Variants in PCDHGA3 observed in about 807,000 individuals in gnomAD.
The protein encoded by PCDHGA3 is protocadherin gamma subfamily A, 3.
In PCDHGA3, 40 loss-of-function variants were observed where a neutral mutation model predicts 58.5. That is an observed-to-expected ratio of 0.68 (90% confidence interval 0.53 to 0.89). PCDHGA3 has a LOEUF of 0.89. PCDHGA3 is among the 40% of genes least tolerant of loss of function. The pLI is 0.00. For synonymous variants in PCDHGA3, 530 were observed against 525.7 expected (o/e 1.01, Z -0.11); for missense variants, 1,223 against 1,195.9 (o/e 1.02, Z -0.33).
intron 1 of PCDHGA3, chr5:141,388,386 C>G: frequency 6.2e-7 from 1 of 1,613,944 alleles, no homozygotes; most frequent in Non-Finnish European, 8.5e-7. Flanking sequence ...CAACACACTG[C>G]AGAATTACCA....
At position 141,357,349 on chromosome 5, in the gene PCDHGA3, A is replaced by G. The variant is rs1400036867; in HGVS notation, c.2424+10892A>G. ...CACGGTGCTGCTAGCACTCAAGCTGAGACGCTGGCACAAGTCACGCCTGCT... is the reference window on the plus strand; with the variant it reads ...CACGGTGCTGCTAGCACTCAAGCTGGGACGCTGGCACAAGTCACGCCTGCT... On this transcript the variant is annotated intron_variant, in intron 1 of 3. Coordinates refer to ENST00000253812, the MANE Select transcript of PCDHGA3 (RefSeq NM_018916.4). 2.5e-6 allele frequency: 4 copies of G among 1,614,000 alleles called. No homozygotes were observed. In the African/African-American group the frequency reaches 4.0e-5, roughly 16 times the overall value.
intron 1 of PCDHGA3, chr5:141,414,963 G>T (rs2095808106): frequency 1.1e-5 from 17 of 1,614,006 alleles, no homozygotes; most frequent in Non-Finnish European, 1.4e-5. Context: ...CCAAGGTGGT[G>T]GCGGTGGACA....
chr5:141,376,088 C>T lies in PCDHGA3; in HGVS notation c.2424+29631C>T, dbSNP rs527893060. 5.1e-5 allele frequency: 83 copies of T among 1,613,666 alleles called. No homozygotes were observed. The highest frequency in any genetic ancestry group is 2.0e-4 in the East Asian group (9 of 44,878). On this transcript the variant is annotated intron_variant, in intron 1 of 3. Coordinates refer to ENST00000253812, the MANE Select transcript of PCDHGA3 (RefSeq NM_018916.4). Reference sequence around the variant, plus strand: ...CACCGTGGCCGTGGCCGACAGGATCCCCGACATCCTGGCCGACCTGGGCAG... The same window carrying T: ...CACCGTGGCCGTGGCCGACAGGATCTCCGACATCCTGGCCGACCTGGGCAG...
chr5:141,383,861 C>T, intron 1 of PCDHGA3: 2 of 1,613,936 alleles, frequency 1.2e-6, no homozygotes, highest in Non-Finnish European at 8.5e-7. Context: ...GAGGTTCAGG[C>T]TCAAGATGGT....
chr5:141,457,386 A>G lies in PCDHGA3; in HGVS notation c.2425-37421A>G, dbSNP rs1303460358. Reference sequence around the variant, plus strand: ...TGCAAAATAATTGCCCAGAACTAGCATATTGATTCACATTTTCACATTACC... The same window carrying G: ...TGCAAAATAATTGCCCAGAACTAGCGTATTGATTCACATTTTCACATTACC... On this transcript the variant is annotated intron_variant, in intron 1 of 3. Transcript: ENST00000253812. Among the ~76,000 whole-genome samples the G allele has an allele frequency of 5.3e-5, 8 of 152,210 alleles. No homozygotes were observed. The East Asian group carries it at 1.3e-3, about 26-fold the overall frequency.
chr5:141,421,864 C>T (rs1561797174), intron 1 of PCDHGA3: 2 of 1,613,766 alleles, frequency 1.2e-6, no homozygotes, highest in Non-Finnish European at 1.7e-6. Context: ...CCTGCTCCTC[C>T]TCACAGCTTT....
At chr5:141,451,673 G>A (rs912482749) in intron 1 of PCDHGA3, among the ~76,000 whole-genome samples, 4 of 152,164 alleles carry the variant, frequency 2.6e-5, no homozygotes, top group African/African-American at 7.2e-5. Context: ...CTTGAGCCCA[G>A]GAGTTCAAGA....
chr5:141,400,594 A>G (rs2150867049), intron 1 of PCDHGA3: 1 of 1,603,498 alleles, frequency 6.2e-7, no homozygotes, highest in Non-Finnish European at 8.5e-7. Context: ...AAACTATCGT[A>G]CATTTTCAAG....
chr5:141,365,827 G>A (rs746773273), intron 1 of PCDHGA3: 1 of 1,613,872 alleles, frequency 6.2e-7, no homozygotes, highest in Admixed American at 1.7e-5. Context: ...TTCAGGGGGC[G>A]CCCTTGTCCT....
At position 141,505,451 on chromosome 5, in the gene PCDHGA3, C is replaced by T. The variant is rs1350424069; in HGVS notation, c.2542C>T (p.Leu848=). Residue 848 remains leucine (L), a synonymous_variant, in exon 3 of 4, where the codon CTG becomes TTG. Transcript: ENST00000253812. The part of the protein sequence containing the change: ...WPNNQFDTEM[L]QAMILASASE... ...CAACAACCAGTTTGACACAGAGATG[C>T]TGCAAGCCATGATCTTGGCGTCCGC... The T allele has an allele frequency of 1.2e-6, 2 of 1,614,222 alleles. No individual in the cohort carries two copies. The highest frequency in any genetic ancestry group is 1.7e-6 in the Non-Finnish European group (2 of 1,180,048).
Position 141,477,568 on chromosome 5 carries a change from C to T in PCDHGA3, c.2425-17239C>T, listed in dbSNP as rs2099413139. The T allele has an allele frequency of 6.2e-7, 1 of 1,614,172 alleles. No individual in the cohort carries two copies. The highest frequency in any genetic ancestry group is 1.7e-4 in the Middle Eastern group (1 of 6,060). On this transcript the variant is annotated intron_variant, in intron 1 of 3. Transcript: ENST00000253812. This position sits in a 1 kb window ranked among gnomAD's most constrained non-coding sequence, Gnocchi z 4.9. ...TACTAAACCTAAGTGTCTGGGACCC[C>T]GACGCCCCGCAGAATGCTCGGCTTT...
Position 141,511,913 on chromosome 5 carries a change from A to G in PCDHGA3, c.*740A>G, listed in dbSNP as rs1190072814. On this transcript the variant is annotated 3_prime_UTR_variant, in exon 4 of 4. Coordinates refer to ENST00000253812, the MANE Select transcript of PCDHGA3 (RefSeq NM_018916.4). ...CCCCCACCTCCTCCTCAAACAAGAG[A>G]CTCCACTGCATGTTCCAAGACAGTA... is the stretch of plus-strand genomic sequence containing the variant. The G allele has an allele frequency of 6.4e-6, 1 of 156,050 alleles. No individual in the cohort carries two copies. The highest frequency in any genetic ancestry group is 2.4e-5 in the African/African-American group (1 of 41,402). The allele number at this position is 156,050 out of a possible 1,614,324, so 9.7% of individuals were successfully genotyped here.
intron 1 of PCDHGA3, chr5:141,403,572 C>T (rs749341214): frequency 1.9e-6 from 3 of 1,613,946 alleles, no homozygotes; most frequent in Non-Finnish European, 8.5e-7. Flanking sequence ...GAGGCAACTG[C>T]CCACCACCTG....
Position 141,491,215 on chromosome 5 carries a change from A to G in PCDHGA3, c.2425-3592A>G, listed in dbSNP as rs546893944. 2.5e-6 allele frequency: 4 copies of G among 1,614,196 alleles called. No individual in the cohort carries two copies. Among genetic ancestry groups the G allele is most frequent in the Non-Finnish European group, 3.4e-6 (4 of 1,180,036 alleles). On this transcript the variant is annotated intron_variant, in intron 1 of 3. Coordinates refer to ENST00000253812, the MANE Select transcript of PCDHGA3 (RefSeq NM_018916.4). This position sits in a 1 kb window ranked among gnomAD's most constrained non-coding sequence, Gnocchi z 6.9. ...CAATGGTGACCCTTCACTCTCCTCC[A>G]CAGCCACAGTGCTGCTGGTTCTGGA...
rs1326093295 is a variant in PCDHGA3 at position 141,364,677 on chromosome 5, T to TTTC, written c.2424+18222_2424+18223insCTT. The stretch of plus-strand genomic sequence containing the variant: ...ATCTTGGTTGAGAACAAAATGAAAA[T>TTTC]TTATGGAGTAGAAGTAGAAATAATC... On this transcript the variant is annotated intron_variant, in intron 1 of 3. Coordinates refer to ENST00000253812, the MANE Select transcript of PCDHGA3 (RefSeq NM_018916.4). The TTTC allele has an allele frequency of 3.7e-6, 6 of 1,613,806 alleles. No homozygotes were observed. In the African/African-American group the frequency reaches 6.7e-5, roughly 18 times the overall value.
intron 1 of PCDHGA3, chr5:141,372,307 C>A: frequency 6.2e-7 from 1 of 1,613,452 alleles, no homozygotes; most frequent in Non-Finnish European, 8.5e-7. Flanking sequence ...AGGGAGGCCG[C>A]CCGCCAGCGC....
At chr5:141,448,730 G>A (rs1419700194) in intron 1 of PCDHGA3, among the ~76,000 whole-genome samples, 1 of 152,072 alleles carries the variant, frequency 6.6e-6, no homozygotes, top group African/African-American at 2.4e-5. Context: ...CACGAGGTCA[G>A]GAGATCGAGA....
chr5:141,366,101 G>A lies in PCDHGA3; in HGVS notation c.2424+19644G>A, dbSNP rs372607743. On this transcript the variant is annotated intron_variant, in intron 1 of 3. Coordinates refer to ENST00000253812, the MANE Select transcript of PCDHGA3 (RefSeq NM_018916.4). ...AGAACCTGGCTACCTGGTGACCAAG[G>A]TGGTAGCGGTGGACAAAGATTCAGG... 3.2e-5 allele frequency: 52 copies of A among 1,614,128 alleles called. No individual in the cohort carries two copies. Among genetic ancestry groups the A allele is most frequent in the Non-Finnish European group, 4.1e-5 (48 of 1,180,056 alleles).
At chr5:141,444,255 T>G (rs764607115) in intron 1 of PCDHGA3, among the ~76,000 whole-genome samples, 8 of 130,834 alleles carry the variant, frequency 6.1e-5, no homozygotes, top group Non-Finnish European at 1.2e-4. Context: ...CACTGCAACC[T>G]CCGCCTCCCA....
Sources: gnomAD v4.1 joint callset for allele counts (sites outside exome capture counted in the v4.1 genomes callset) on GRCh38, gnomAD v4.1.1 for gene constraint, Gnocchi (gnomAD v3.1) non-coding constraint, MANE v1.5 for transcripts, NCBI Gene and HGNC (gene_info 2026-07-23, HGNC 2026-07-21) for gene names.